The following LRP1B variants were observed in gnomAD, a reference collection of about 807,000 sequenced individuals.
LRP1B encodes the protein LDL receptor related protein 1B.
In LRP1B, 217 loss-of-function variants were observed where a neutral mutation model predicts 556.6. That is an observed-to-expected ratio of 0.39 (90% CI 0.35 to 0.44). The LOEUF is 0.44. LRP1B is among the 20% of genes least tolerant of loss of function. LRP1B has a pLI of 1.00. For missense variants in LRP1B, 5,053 were observed against 5,620.8 expected (o/e 0.90, Z 3.23); for synonymous variants, 2,047 against 1,865.8 (o/e 1.10, Z -2.50).
chr2:141,815,977 A>C (rs1696533048), intron 1 of LRP1B, among the ~76,000 whole-genome samples: 1 of 152,170 alleles, frequency 6.6e-6, no homozygotes, highest in Admixed American at 6.5e-5. Flanking sequence ...GAAAGGAATC[A>C]ACTAAGAATT....
At chr2:140,798,850 C>A (rs1690408649) in intron 32 of LRP1B, among the ~76,000 whole-genome samples, 1 of 152,120 alleles carries the variant, frequency 6.6e-6, no homozygotes, top group Non-Finnish European at 1.5e-5. Flanking sequence ...AATAGACAGA[C>A]TTATGTTAGA....
At chr2:141,212,874 A>G (rs888139784) in intron 6 of LRP1B, among the ~76,000 whole-genome samples, 6 of 152,176 alleles carry the variant, frequency 3.9e-5, no homozygotes, top group Admixed American at 3.3e-4. Context: ...CATTTTTACC[A>G]TAGAGTAATT....
At chr2:140,911,890 T>C (rs1376477606) in intron 21 of LRP1B, among the ~76,000 whole-genome samples, 1 of 151,752 alleles carries the variant, frequency 6.6e-6, no homozygotes, top group Non-Finnish European at 1.5e-5. Context: ...TCAATATCAA[T>C]CTTTTAGAGT....
chr2:141,797,146 C>CATATATATATATATATAT (rs6146945), intron 2 of LRP1B, among the ~76,000 whole-genome samples: 1 of 79,084 alleles, frequency 1.3e-5, no homozygotes, highest in African/African-American at 5.4e-5. Context: ...TGAAAATAAT[C>CATATATATATATATATAT]ATATATATAT....
intron 6 of LRP1B, among the ~76,000 whole-genome samples, chr2:141,195,450 G>T (rs1178199248): frequency 6.6e-6 from 1 of 152,124 alleles, no homozygotes; most frequent in African/African-American, 2.4e-5. Context: ...AATAATCTTT[G>T]CTGTTTTTAA....
At chr2:141,751,299 T>C (rs991180334) in intron 2 of LRP1B, among the ~76,000 whole-genome samples, 2 of 152,086 alleles carry the variant, frequency 1.3e-5, no homozygotes, top group African/African-American at 4.8e-5. Flanking sequence ...AAAAGCCAAT[T>C]CTGGAAAATA....
At chr2:140,386,550 T>C (rs1254152409) in intron 66 of LRP1B, among the ~76,000 whole-genome samples, 3 of 152,232 alleles carry the variant, frequency 2.0e-5, no homozygotes, top group Non-Finnish European at 4.4e-5. Context: ...ATGCTTCACA[T>C]GTGTACAGAG....
chr2:141,465,286 G>T (rs548561347), intron 3 of LRP1B, among the ~76,000 whole-genome samples: 1 of 152,182 alleles, frequency 6.6e-6, no homozygotes, highest in African/African-American at 2.4e-5. Context: ...GAAAAAGTGT[G>T]GGATATGCAG....
At chr2:141,432,706 A>G (rs1346029088) in intron 3 of LRP1B, among the ~76,000 whole-genome samples, 1 of 151,854 alleles carries the variant, frequency 6.6e-6, no homozygotes, top group African/African-American at 2.4e-5. Flanking sequence ...GTTGTTCATG[A>G]TGGTTCTTAT....
intron 82 of LRP1B, among the ~76,000 whole-genome samples, chr2:140,316,736 A>AAAAAAAATATAAAATATAGGG (rs1215894887): frequency 2.7e-5 from 4 of 150,648 alleles, no homozygotes; most frequent in African/African-American, 9.9e-5. Flanking sequence ...AAGAAATGGG[A>AAAAAAAATATAAAATATAGGG]AAAAAAATAT....
intron 2 of LRP1B, among the ~76,000 whole-genome samples, chr2:141,502,927 T>G (rs368473001): frequency 3.3e-5 from 5 of 150,460 alleles, no homozygotes; most frequent in East Asian, 1.9e-4. Flanking sequence ...TTTAAAGTCA[T>G]GAAGGTTGTA....
intron 10 of LRP1B, among the ~76,000 whole-genome samples, 198 bp from the exon 11 acceptor site, chr2:141,049,420 C>T (rs953399698): frequency 3.9e-5 from 6 of 152,038 alleles, no homozygotes; most frequent in Admixed American, 2.6e-4. Flanking sequence ...AAATTACTTC[C>T]GCAAATGGGT....
At chr2:140,613,238 T>A (rs1484104997) in intron 41 of LRP1B, among the ~76,000 whole-genome samples, 1 of 144,624 alleles carries the variant, frequency 6.9e-6, no homozygotes, top group Non-Finnish European at 1.5e-5. Context: ...ATATATATAT[T>A]ACAATTATAT....
At chr2:142,032,242 T>C (rs1703736003) in intron 1 of LRP1B, among the ~76,000 whole-genome samples, 1 of 151,880 alleles carries the variant, frequency 6.6e-6, no homozygotes, top group Admixed American at 6.6e-5. Context: ...TAGCTTCACC[T>C]GTTTTTTCTT....
At chr2:141,182,998 G>A (rs1002185334) in intron 7 of LRP1B, among the ~76,000 whole-genome samples, 1 of 151,882 alleles carries the variant, frequency 6.6e-6, no homozygotes, top group Admixed American at 6.6e-5. Flanking sequence ...AAAGTACAAA[G>A]GGTCGTATGT....
chr2:141,667,866 T>C (rs1690504742), intron 2 of LRP1B, among the ~76,000 whole-genome samples: 1 of 152,188 alleles, frequency 6.6e-6, no homozygotes, highest in African/African-American at 2.4e-5. Flanking sequence ...ATAGAAAGAA[T>C]GGATGGATGA....
At chr2:141,392,789 T>A (rs1005030830) in intron 3 of LRP1B, among the ~76,000 whole-genome samples, 1 of 152,166 alleles carries the variant, frequency 6.6e-6, no homozygotes, top group Admixed American at 6.6e-5. Flanking sequence ...GGGAAGAGGA[T>A]CTTTCAATCT....
chr2:141,654,205 C>T (rs184093958), intron 2 of LRP1B, among the ~76,000 whole-genome samples: 24 of 152,204 alleles, frequency 1.6e-4, no homozygotes, highest in African/African-American at 5.1e-4. Context: ...AAGGTAAATA[C>T]GTCGAAATAT....
At chr2:140,612,992 CT>C (rs72285702) in intron 41 of LRP1B, among the ~76,000 whole-genome samples, 1 of 150,150 alleles carries the variant, frequency 6.7e-6, no homozygotes, top group African/African-American at 2.4e-5. Flanking sequence ...CAAGTTATCT[CT>C]TTTTTTTTCT....
Sources: allele counts gnomAD v4.1 joint callset (sites outside exome capture counted in the v4.1 genomes callset), GRCh38; gene constraint gnomAD v4.1.1; transcripts MANE v1.5; gene names NCBI Gene and HGNC (gene_info 2026-07-23, HGNC 2026-07-21).